The following PLAA variants were observed in gnomAD, a reference collection of about 807,000 sequenced individuals.
The protein encoded by PLAA is phospholipase A2 activating protein.
In PLAA, 48 loss-of-function variants were observed where a neutral mutation model predicts 84.1. The observed-to-expected ratio is 0.57, with a 90% CI of 0.45 to 0.73. PLAA has a LOEUF of 0.73. Ranked by LOEUF, PLAA falls within the 30% of genes least tolerant of loss-of-function variation. PLAA has a pLI of 0.00. For missense variants in PLAA, 903 were observed against 954.7 expected (o/e 0.95, Z 0.71); for synonymous variants, 392 against 336.6 (o/e 1.16, Z -1.80).
At chr9:26,933,073 TC>T (rs1825237475) in intron 2 of PLAA, among the ~76,000 whole-genome samples, 1 of 151,850 alleles carries the variant, frequency 6.6e-6, no homozygotes, top group Admixed American at 6.6e-5. Flanking sequence ...ATCGACACCA[TC>T]CTGGCCAACA....
intron 3 of PLAA, 29 bp from the exon 4 acceptor site, chr9:26,928,249 T>C: frequency 1.9e-6 from 3 of 1,614,080 alleles, no homozygotes; most frequent in South Asian, 1.1e-5. Context: ...TCAATTTAAG[T>C]TGCCACAGAA....
At chr9:26,915,724 A>G (rs1462829142) in intron 10 of PLAA, 2 of 984,910 alleles carry the variant, frequency 2.0e-6, no homozygotes, top group Non-Finnish European at 2.4e-6. Flanking sequence ...ATATCTACAT[A>G]ATTACTGCAT....
At chr9:26,932,839 T>C (rs1825230019) in intron 2 of PLAA, among the ~76,000 whole-genome samples, 1 of 152,180 alleles carries the variant, frequency 6.6e-6, no homozygotes, top group African/African-American at 2.4e-5. Context: ...ATTTAAAAAA[T>C]TCTTTCTGTT....
intron 10 of PLAA, chr9:26,915,704 G>T: frequency 1.0e-6 from 1 of 984,310 alleles, no homozygotes; most frequent in Non-Finnish European, 1.2e-6. Flanking sequence ...CATTGTGTAT[G>T]CTATCTTGCA....
At chr9:26,927,799 C>T (rs2131396461) in intron 4 of PLAA, among the ~76,000 whole-genome samples, 1 of 152,230 alleles carries the variant, frequency 6.6e-6, no homozygotes, top group South Asian at 2.1e-4. Flanking sequence ...ATTAAAATGA[C>T]AACCAAAAAT....
chr9:26,925,518 G>GA (rs1294024407), intron 6 of PLAA, among the ~76,000 whole-genome samples: 1 of 152,184 alleles, frequency 6.6e-6, no homozygotes, highest in Non-Finnish European at 1.5e-5. Flanking sequence ...TTCTTCTACA[G>GA]AAAGTTTTCC....
At chr9:26,907,588 C>CA in intron 13 of PLAA, 1 of 408,066 alleles carries the variant, frequency 2.5e-6, no homozygotes, top group Non-Finnish European at 4.3e-6. Context: ...CAAACAACAA[C>CA]AACAAAAAAA....
intron 2 of PLAA, among the ~76,000 whole-genome samples, chr9:26,930,644 G>A (rs748164131): frequency 4.0e-5 from 6 of 149,404 alleles, no homozygotes; most frequent in Non-Finnish European, 5.9e-5. Context: ...GTGCAATGGT[G>A]CAATCTTGGC....
At chr9:26,908,168 T>G (rs1824294146) in intron 12 of PLAA, among the ~76,000 whole-genome samples, 170 bp from the exon 13 acceptor site, 1 of 92,984 alleles carries the variant, frequency 1.1e-5, no homozygotes, top group Non-Finnish European at 2.1e-5. Flanking sequence ...GAGCTTTGTC[T>G]TTTTTTTTTT....
intron 10 of PLAA, chr9:26,916,121 G>A (rs1824548350): frequency 1.0e-6 from 1 of 985,276 alleles, no homozygotes; most frequent in Non-Finnish European, 1.2e-6. Context: ...ACAGGAAAAA[G>A]GAAGCTCACG....
intron 1 of PLAA, among the ~76,000 whole-genome samples, chr9:26,935,529 G>A (rs1825331110): frequency 6.6e-6 from 1 of 152,118 alleles, no homozygotes; most frequent in South Asian, 2.1e-4. Flanking sequence ...ATTAGTGACT[G>A]TTACCCTAAG....
chr9:26,930,112 T>A (rs56974912), intron 2 of PLAA, among the ~76,000 whole-genome samples: 8,215 of 149,912 alleles, frequency 0.055, 274 homozygotes, highest in Middle Eastern at 0.15. Context: ...TATTATTTTT[T>A]TTTTTTTTTT....
intron 7 of PLAA, among the ~76,000 whole-genome samples, chr9:26,921,943 G>C (rs1320662889): frequency 6.6e-6 from 1 of 151,964 alleles, no homozygotes; most frequent in East Asian, 1.9e-4. Context: ...TTTATCTTTG[G>C]CAACATATAT....
intron 1 of PLAA, among the ~76,000 whole-genome samples, chr9:26,942,443 CA>C (rs1825569797): frequency 6.6e-6 from 1 of 152,258 alleles, no homozygotes; most frequent in East Asian, 1.9e-4. Flanking sequence ...CGGTAACGAA[CA>C]AAGACTTTGA....
At chr9:26,906,716 C>T (rs555236291) in intron 13 of PLAA, among the ~76,000 whole-genome samples, 53 of 152,176 alleles carry the variant, frequency 3.5e-4, no homozygotes, top group African/African-American at 1.1e-3. Context: ...GCATGAGCCA[C>T]CGTGCCCAGC....
At chr9:26,906,547 C>T (rs1018616764) in intron 13 of PLAA, among the ~76,000 whole-genome samples, 13 of 151,258 alleles carry the variant, frequency 8.6e-5, no homozygotes, top group African/African-American at 2.9e-4. Flanking sequence ...CCTGTCTCAG[C>T]CTCCCAAGTA....
Position 26,905,914 on chromosome 9 carries a change from G to A in PLAA, c.1985C>T (p.Thr662Ile). 1 of 1,614,126 alleles carries A rather than the reference G, an allele frequency of 6.2e-7. No individual in the cohort carries two copies. Among genetic ancestry groups the A allele is most frequent in the South Asian group, 1.1e-5 (1 of 91,078 alleles). The change falls in exon 14 of 14, where the codon ACT becomes ATT. Residue 662 changes from threonine to isoleucine, a missense_variant. Transcript: ENST00000397292. Reference sequence around the variant, plus strand: ...CTGGCCAACAAAACAATTGCAAAAAGTCCTGAGAGCAAGCAGCTGGTTTGC... The same window carrying A: ...CTGGCCAACAAAACAATTGCAAAAAATCCTGAGAGCAAGCAGCTGGTTTGC... ...KPANQLLALR[T>I]FCNCFVGQAG...
chr9:26,910,273 A>C (rs1458374189), intron 12 of PLAA, 65 bp downstream of exon 12: 19 of 1,212,794 alleles, frequency 1.6e-5, no homozygotes, highest in Non-Finnish European at 2.3e-5. Context: ...TTGGCAAGAG[A>C]AACAACCTTG....
At chr9:26,934,271 G>A (rs1457620967) in intron 2 of PLAA, among the ~76,000 whole-genome samples, 1 of 152,020 alleles carries the variant, frequency 6.6e-6, no homozygotes, top group East Asian at 1.9e-4. Context: ...CACAGAATCA[G>A]GAATATACAC....
Sources: allele counts gnomAD v4.1 joint callset (sites outside exome capture counted in the v4.1 genomes callset), GRCh38; gene constraint gnomAD v4.1.1; transcripts MANE v1.5; gene names NCBI Gene and HGNC (gene_info 2026-07-23, HGNC 2026-07-21).